Variants in STAG1 observed in about 807,000 individuals in gnomAD.
STAG1 encodes STAG1 cohesin complex component, also known as cohesin subunit SA-1.
Under a neutral mutation model 170.9 loss-of-function variants are expected in STAG1, and 26 were observed. That is an observed-to-expected ratio of 0.15 (90% CI 0.11 to 0.21). STAG1 has a LOEUF of 0.21. Among genes scored for constraint, STAG1 ranks in the 10% least tolerant of loss-of-function variants. STAG1 has a pLI of 1.00. For missense variants in STAG1, 964 were observed against 1,509.5 expected, an observed-to-expected ratio of 0.64 and a Z score of 5.99; for synonymous variants, 514 against 497.7, an observed-to-expected ratio of 1.03 and a Z score of -0.44.
intron 1 of STAG1, among the ~76,000 whole-genome samples, chr3:136,722,866 A>AT: frequency 6.6e-6 from 1 of 151,972 alleles, no homozygotes; most frequent in African/African-American, 2.4e-5. Context: ...TGGTTTTCGT[A>AT]TTTTTTTGGT....
rs186146935 is a variant in STAG1 at position 136,343,772 on chromosome 3, T to G, written c.3446+60A>C. ...TTCTGATGAACAAATAAAGTTTTTC[T>G]TAAATAGTTTTACTTTCTTTAAAGG... On this transcript the variant is annotated intron_variant, in intron 30 of 33. Coordinates refer to ENST00000383202, the MANE Select transcript of STAG1 (RefSeq NM_005862.3). 505 of 1,382,438 alleles carry G rather than the reference T, an allele frequency of 3.7e-4. 1 individual carries two copies. Among genetic ancestry groups the G allele is most frequent in the Middle Eastern group, 6.3e-4 (3 of 4,792 alleles). The allele number at this position is 1,382,438 out of a possible 1,614,324, so 85.6% of individuals were successfully genotyped here.
intron 14 of STAG1, among the ~76,000 whole-genome samples, chr3:136,447,869 C>T (rs2088829528): frequency 6.6e-6 from 1 of 151,992 alleles, no homozygotes; most frequent in African/African-American, 2.4e-5. Flanking sequence ...TGCCCGCCTC[C>T]ACCTCCTAAA....
At position 136,492,606 on chromosome 3, in the gene STAG1, G is replaced by T. The variant is rs536968758; in HGVS notation, c.902+7617C>A. On this transcript the variant is annotated intron_variant, in intron 9 of 33. Coordinates refer to ENST00000383202, the MANE Select transcript of STAG1 (RefSeq NM_005862.3). The stretch of plus-strand genomic sequence containing the variant: ...CAGAGCAGAATGGTAATCTCTGAGA[G>T]GGGATAACACAAGATGAGCCCTAAG... Among the ~76,000 whole-genome samples, 27 of 152,310 alleles carry T rather than the reference G, an allele frequency of 1.8e-4. No individual in the cohort carries two copies. The South Asian group carries it at 5.6e-3, about 32-fold the overall frequency.
At chr3:136,576,030 A>G (rs1937444435) in intron 4 of STAG1, among the ~76,000 whole-genome samples, 1 of 152,182 alleles carries the variant, frequency 6.6e-6, no homozygotes, top group African/African-American at 2.4e-5. Context: ...ACTTAGAGAA[A>G]ATATTTATTT....
At chr3:136,616,399 T>C (rs1225763825) in intron 3 of STAG1, among the ~76,000 whole-genome samples, 1 of 152,162 alleles carries the variant, frequency 6.6e-6, no homozygotes, top group Non-Finnish European at 1.5e-5. Flanking sequence ...TGGTAGTCTT[T>C]AACATAATTA....
intron 13 of STAG1, among the ~76,000 whole-genome samples, chr3:136,463,043 G>T (rs374498177): frequency 6.6e-6 from 1 of 152,070 alleles, no homozygotes; most frequent in African/African-American, 2.4e-5. Context: ...ATAAAATAAT[G>T]CTGAAAAAAG....
chr3:136,427,790 T>TA (rs1199988636), intron 16 of STAG1, among the ~76,000 whole-genome samples: 1 of 152,076 alleles, frequency 6.6e-6, no homozygotes, highest in African/African-American at 2.4e-5. Flanking sequence ...AGAATTGCTA[T>TA]AAAAAAGGCA....
chr3:136,491,950 G>A (rs576061773), intron 9 of STAG1, among the ~76,000 whole-genome samples: 12 of 152,216 alleles, frequency 7.9e-5, no homozygotes, highest in South Asian at 6.2e-4. Context: ...CCAAGATCAC[G>A]CTGCTGCACT....
At chr3:136,556,651 C>G (rs1936632149) in intron 5 of STAG1, among the ~76,000 whole-genome samples, 1 of 151,936 alleles carries the variant, frequency 6.6e-6, no homozygotes, top group Non-Finnish European at 1.5e-5. Flanking sequence ...GGTGTGACCA[C>G]AGTTCACTGC....
intron 1 of STAG1, among the ~76,000 whole-genome samples, chr3:136,666,522 T>G (rs1941782327): frequency 6.6e-6 from 1 of 152,064 alleles, no homozygotes; most frequent in African/African-American, 2.4e-5. Context: ...ACATGATGAA[T>G]AACTGTTTGA....
chr3:136,607,834 C>A (rs1939040254), intron 3 of STAG1, among the ~76,000 whole-genome samples: 2 of 152,222 alleles, frequency 1.3e-5, no homozygotes, highest in African/African-American at 2.4e-5. Flanking sequence ...TTTTTTAGCA[C>A]TTGGCTACTT....
At chr3:136,735,251 G>C (rs1215384264) in intron 1 of STAG1, among the ~76,000 whole-genome samples, 1 of 151,034 alleles carries the variant, frequency 6.6e-6, no homozygotes, top group Non-Finnish European at 1.5e-5. Flanking sequence ...TCAGCCTCCT[G>C]AGTAGATAGG....
intron 10 of STAG1, among the ~76,000 whole-genome samples, chr3:136,476,368 T>C (rs527421138): frequency 9.9e-5 from 15 of 152,238 alleles, no homozygotes; most frequent in East Asian, 7.7e-4. Context: ...CTGACCATCA[T>C]AGTCAAGGGG....
At chr3:136,351,024 T>C (rs1402872207) in intron 28 of STAG1, among the ~76,000 whole-genome samples, 3 of 152,210 alleles carry the variant, frequency 2.0e-5, no homozygotes, top group Admixed American at 6.5e-5. Context: ...CATATATGTA[T>C]ATCAAGACAT....
At chr3:136,632,734 C>T (rs1940381145) in intron 1 of STAG1, among the ~76,000 whole-genome samples, 1 of 152,066 alleles carries the variant, frequency 6.6e-6, no homozygotes, top group African/African-American at 2.4e-5. Context: ...AAAGCATGGT[C>T]AGAGGAGGCC....
chr3:136,729,085 A>T (rs550197937), intron 1 of STAG1, among the ~76,000 whole-genome samples: 79 of 152,190 alleles, frequency 5.2e-4, no homozygotes, highest in Non-Finnish European at 9.7e-4. Context: ...GGCTCAAGGG[A>T]TTCTCCTGAC....
intron 1 of STAG1, among the ~76,000 whole-genome samples, chr3:136,737,500 A>C (rs889434665): frequency 1.3e-5 from 2 of 152,120 alleles, no homozygotes; most frequent in African/African-American, 4.8e-5. Context: ...AACCTCCCAA[A>C]GTGTTGGGAT....
At chr3:136,460,082 T>A (rs199710423) in intron 13 of STAG1, among the ~76,000 whole-genome samples, 1 of 152,092 alleles carries the variant, frequency 6.6e-6, no homozygotes, top group Non-Finnish European at 1.5e-5. Flanking sequence ...GAAACCACAA[T>A]TGGTTTTTTA....
At chr3:136,740,897 A>G (rs975564271) in intron 1 of STAG1, among the ~76,000 whole-genome samples, 1 of 152,232 alleles carries the variant, frequency 6.6e-6, no homozygotes, top group Non-Finnish European at 1.5e-5. Flanking sequence ...CAATGAAGAG[A>G]TAAAGCTGGA....
Sources: gnomAD v4.1 joint callset for allele counts (sites outside exome capture counted in the v4.1 genomes callset) on GRCh38, gnomAD v4.1.1 for gene constraint, MANE v1.5 for transcripts, NCBI Gene and HGNC (gene_info 2026-07-23, HGNC 2026-07-21) for gene names.